PTPRR: variants seen among roughly 807,000 people sequenced by gnomAD.
PTPRR encodes receptor-type tyrosine-protein phosphatase R.
A neutral mutation model predicts 77.2 loss-of-function variants in PTPRR; 38 were observed. The ratio of observed to expected loss-of-function variants is 0.49; its 90% CI spans 0.38 to 0.65. The LOEUF is 0.65. Ranked by LOEUF, PTPRR falls within the 30% of genes least tolerant of loss-of-function variation. The probability of loss-of-function intolerance (pLI) is 0.00; values close to 1 mark genes in which losing one functional copy is unlikely to be tolerated. For synonymous variants in PTPRR, 299 were observed against 283.1 expected (o/e 1.06, Z -0.57); for missense variants, 744 against 799.2 (o/e 0.93, Z 0.83).
At chr12:70,914,470 T>C (rs1893745436) in intron 1 of PTPRR, among the ~76,000 whole-genome samples, 1 of 152,162 alleles carries the variant, frequency 6.6e-6, no homozygotes, top group African/African-American at 2.4e-5. Context: ...AGTGACATGA[T>C]CATGGAGAGT....
chr12:70,897,253 A>G lies in PTPRR; in HGVS notation c.59-4276T>C, dbSNP rs1337724761. On this transcript the variant is annotated intron_variant, in intron 1 of 13. Transcript: ENST00000283228. Reference sequence around the variant, plus strand: ...GGGAGAAAATTTTTGCAACCTACTCATCTGACAAAGGGCTAATATCCAGAA... The same window carrying G: ...GGGAGAAAATTTTTGCAACCTACTCGTCTGACAAAGGGCTAATATCCAGAA... Among the ~76,000 whole-genome samples, 6 of 152,168 alleles carry G rather than the reference A, an allele frequency of 3.9e-5. No individual in the cohort carries two copies. In the South Asian group the frequency reaches 6.2e-4, roughly 16 times the overall value.
chr12:70,672,122 T>C (rs1566058203), intron 10 of PTPRR: 1 of 1,399,520 alleles, frequency 7.1e-7, no homozygotes, highest in Non-Finnish European at 1.0e-6. Context: ...GATGACACAG[T>C]TCCTAGAGCA....
intron 6 of PTPRR, among the ~76,000 whole-genome samples, chr12:70,731,941 A>T (rs780463533): frequency 6.6e-6 from 1 of 152,214 alleles, no homozygotes; most frequent in Non-Finnish European, 1.5e-5. Flanking sequence ...TTATTCCTAG[A>T]TTCTGTATTT....
intron 2 of PTPRR, among the ~76,000 whole-genome samples, chr12:70,884,230 G>T (rs1893197775): frequency 6.6e-6 from 1 of 152,162 alleles, no homozygotes; most frequent in Non-Finnish European, 1.5e-5. Flanking sequence ...TTGCTAAGTG[G>T]TGCCAATCCC....
intron 5 of PTPRR, 32 bp from the exon 6 acceptor site, chr12:70,746,118 C>T: frequency 1.9e-6 from 3 of 1,576,086 alleles, no homozygotes; most frequent in Non-Finnish European, 2.6e-6. Context: ...ACTCCTGTCA[C>T]ATTTTCTCAC....
rs112712974 is a variant in PTPRR, at chr12:70,698,352, G to C, written c.1195-3C>G. 2.5e-6 allele frequency: 4 copies of C among 1,610,368 alleles called. No homozygotes were observed. Among genetic ancestry groups the C allele is most frequent in the Non-Finnish European group, 3.4e-6 (4 of 1,177,334 alleles). On this transcript the variant is annotated splice_polypyrimidine_tract_variant and splice_region_variant and intron_variant, in intron 7 of 13. Coordinates refer to ENST00000283228, the MANE Select transcript of PTPRR (RefSeq NM_002849.4). ...TCCACAAAGTTCATTGGTATTTCCT[G>C]CAAAAATAAATAATATCAAATTAGT...
At chr12:70,804,533 C>T (rs1238837408) in intron 2 of PTPRR, among the ~76,000 whole-genome samples, 1 of 151,874 alleles carries the variant, frequency 6.6e-6, no homozygotes, top group South Asian at 2.1e-4. Flanking sequence ...CCACTGCATT[C>T]CAGCCTGGGT....
intron 1 of PTPRR, among the ~76,000 whole-genome samples, chr12:70,895,186 C>T (rs1315721830): frequency 1.3e-5 from 2 of 151,572 alleles, no homozygotes; most frequent in African/African-American, 4.8e-5. Flanking sequence ...CTAGCAATTC[C>T]TCTACTCTGG....
At chr12:70,754,048 G>T in intron 5 of PTPRR, 143 bp downstream of exon 5, 3 of 801,646 alleles carry the variant, frequency 3.7e-6, no homozygotes, top group Non-Finnish European at 5.8e-6. Context: ...TCTGATGTCA[G>T]ATATGAAATA....
At chr12:70,839,317 A>ATG (rs71817615) in intron 2 of PTPRR, among the ~76,000 whole-genome samples, 14,190 of 150,124 alleles carry the variant, frequency 0.095, 1,073 homozygotes, top group African/African-American at 0.22. Flanking sequence ...TATTCTGGAT[A>ATG]TGTGTGTGTG....
intron 2 of PTPRR, among the ~76,000 whole-genome samples, chr12:70,821,143 T>C (rs1451493771): frequency 6.6e-6 from 1 of 151,086 alleles, no homozygotes; most frequent in Non-Finnish European, 1.5e-5. Flanking sequence ...AAAGGAGATG[T>C]GCTTCTTTCA....
At chr12:70,738,339 G>A (rs923855860) in intron 6 of PTPRR, among the ~76,000 whole-genome samples, 3 of 152,068 alleles carry the variant, frequency 2.0e-5, no homozygotes, top group Non-Finnish European at 4.4e-5. Flanking sequence ...TGAGACCTCC[G>A]TTTTGATAGA....
intron 1 of PTPRR, among the ~76,000 whole-genome samples, chr12:70,897,949 CA>C (rs924298117): frequency 1.5e-5 from 2 of 137,040 alleles, no homozygotes; most frequent in African/African-American, 5.6e-5. Flanking sequence ...GGGAATTGAA[CA>C]ATGAGAACAC....
chr12:70,659,366 G>C (rs1225970082), intron 12 of PTPRR, among the ~76,000 whole-genome samples: 1 of 152,182 alleles, frequency 6.6e-6, no homozygotes, highest in African/African-American at 2.4e-5. Context: ...AACTATGGTG[G>C]CTGGACAGGA....
chr12:70,832,218 T>C (rs973386843), intron 2 of PTPRR, among the ~76,000 whole-genome samples: 5 of 152,322 alleles, frequency 3.3e-5, no homozygotes, highest in Middle Eastern at 3.4e-3. Flanking sequence ...ATTGTAAATT[T>C]AAATACCTTT....
intron 2 of PTPRR, among the ~76,000 whole-genome samples, chr12:70,861,349 T>C (rs993457138): frequency 1.3e-5 from 2 of 152,134 alleles, no homozygotes; most frequent in Admixed American, 6.6e-5. Context: ...GTAAAATTAG[T>C]TTCACATGTG....
At chr12:70,703,427 C>T (rs1488235149) in intron 6 of PTPRR, among the ~76,000 whole-genome samples, 1 of 152,108 alleles carries the variant, frequency 6.6e-6, no homozygotes, top group Non-Finnish European at 1.5e-5. Flanking sequence ...TCCCACTCCA[C>T]TTTTTCTTAT....
At chr12:70,748,155 G>T (rs1468081086) in intron 5 of PTPRR, among the ~76,000 whole-genome samples, 1 of 152,062 alleles carries the variant, frequency 6.6e-6, no homozygotes, top group Non-Finnish European at 1.5e-5. Flanking sequence ...CTGACGTAAG[G>T]GATCATAAAA....
At chr12:70,728,527 GAA>G (rs1565669377) in intron 6 of PTPRR, among the ~76,000 whole-genome samples, 5 of 48,168 alleles carry the variant, frequency 1.0e-4, no homozygotes, top group African/African-American at 5.4e-4. Flanking sequence ...TCCAAAATCT[GAA>G]TATATATATA....
Sources: allele counts gnomAD v4.1 joint callset (sites outside exome capture counted in the v4.1 genomes callset), GRCh38; gene constraint gnomAD v4.1.1; transcripts MANE v1.5; gene names NCBI Gene and HGNC (gene_info 2026-07-23, HGNC 2026-07-21).